Variants in NEB observed in about 807,000 individuals in gnomAD.
NEB encodes nebulin.
A neutral mutation model predicts 952.2 loss-of-function variants in NEB; 512 were observed. The ratio of observed to expected loss-of-function variants is 0.54; its 90% confidence interval spans 0.50 to 0.58. NEB has a LOEUF of 0.58. NEB is among the 20% of genes least tolerant of loss of function. NEB has a pLI of 0.00. For synonymous variants in NEB, 2,900 were observed against 3,149.8 expected (o/e 0.92, Z 2.66); for missense variants, 8,428 against 9,231.1 (o/e 0.91, Z 3.56).
At position 151,694,548 on chromosome 2, in the gene NEB, T is replaced by C. The variant is rs1576598655; in HGVS notation, c.1756A>G (p.Lys586Glu). The C allele has an allele frequency of 3.7e-6, 6 of 1,613,086 alleles. No homozygotes were observed. Among genetic ancestry groups the C allele is most frequent in the Non-Finnish European group, 4.2e-6 (5 of 1,179,344 alleles). Residue 586 changes from lysine to glutamate, a missense_variant, in exon 19 of 182, where the codon AAA (lysine) becomes GAA (glutamate). By Grantham distance (56) the Lys-to-Glu change is moderately conservative. Transcript: ENST00000397345. The stretch of plus-strand genomic sequence containing the variant: ...TCGCTGGTGTTCTTGGTGTTGGCTT[T>C]GGCTGCCAGCAGGGGAATGGCATCC... ...KVDAIPLLAAKANTKNTSDVM... is the reference protein window; with the variant it reads ...KVDAIPLLAAEANTKNTSDVM...
intron 10 of NEB, among the ~76,000 whole-genome samples, chr2:151,711,737 C>T (rs764138082): frequency 2.6e-4 from 39 of 152,150 alleles, no homozygotes; most frequent in Middle Eastern, 3.4e-3. Context: ...TAAGATCATT[C>T]GCTAAAGAGT....
intron 44 of NEB, 93 bp from the exon 45 acceptor site, chr2:151,663,952 GT>G: frequency 7.9e-7 from 1 of 1,273,766 alleles, no homozygotes; most frequent in Non-Finnish European, 1.1e-6. Flanking sequence ...TAGATGAAGG[GT>G]TTTAGAGCTA....
chr2:151,561,516 T>C (rs2096048579), intron 121 of NEB, among the ~76,000 whole-genome samples: 1 of 151,876 alleles, frequency 6.6e-6, no homozygotes, highest in Non-Finnish European at 1.5e-5. Context: ...GTTGAGATTT[T>C]GGCCATTTTG....
intron 13 of NEB, among the ~76,000 whole-genome samples, chr2:151,698,669 C>A (rs71350303): frequency 1.8e-4 from 25 of 140,620 alleles, no homozygotes; most frequent in Non-Finnish European, 2.3e-4. Flanking sequence ...ATGGAGTCTC[C>A]CTCTGTTGCC....
chr2:151,612,837 G>C (rs998062505), intron 77 of NEB, among the ~76,000 whole-genome samples: 2 of 152,080 alleles, frequency 1.3e-5, no homozygotes, highest in African/African-American at 4.8e-5. Context: ...GCATTAATGT[G>C]TTTTTTTGGG....
intron 129 of NEB, among the ~76,000 whole-genome samples, chr2:151,550,640 TTTTTA>T (rs1334343248): frequency 6.6e-6 from 1 of 152,114 alleles, no homozygotes; most frequent in Admixed American, 6.6e-5. Context: ...AACCAAATTA[TTTTTA>T]TTTTATTTTT....
intron 34 of NEB, 76 bp from the exon 35 acceptor site, chr2:151,675,467 A>G: frequency 1.1e-6 from 1 of 946,392 alleles, no homozygotes; most frequent in Non-Finnish European, 1.6e-6. Context: ...TATTTTTAGC[A>G]CAATCACCCA....
At chr2:151,575,890 A>G in intron 106 of NEB, 91 bp from the exon 107 acceptor site, 2 of 964,776 alleles carry the variant, frequency 2.1e-6, no homozygotes, top group East Asian at 2.4e-5. Flanking sequence ...TTTGGATTTG[A>G]TCCAAAACCC....
Position 151,618,411 on chromosome 2 carries a change from A to G in NEB, c.10940T>C (p.Val3647Ala), listed in dbSNP as rs1316575607. Residue 3647 changes from valine (V) to alanine (A), a missense_variant, in exon 74 of 182, where the codon GTT becomes GCT. By Grantham distance (64) the Val-to-Ala change is moderately conservative (BLOSUM62 0). This residue lies in a region of NEB where 1,772 missense variants were observed against 1,960.3 expected (regional missense o/e 0.90). Transcript: ENST00000397345. ...TTCTCCAGCTCTCTTGGCCCTAACAACTTCCAAGGAATCAATCGGAACCCA... is the reference window on the plus strand; with the variant it reads ...TTCTCCAGCTCTCTTGGCCCTAACAGCTTCCAAGGAATCAATCGGAACCCA... ...IGWVPIDSLE[V>A]VRAKRAGELL... The G allele has an allele frequency of 8.1e-6, 13 of 1,613,800 alleles. No homozygotes were observed. The Admixed American group carries it at 8.3e-5, about 10-fold the overall frequency.
At position 151,692,337 on chromosome 2, in the gene NEB, T is replaced by G; in HGVS notation, c.1922A>C (p.Lys641Thr). 6.2e-7 allele frequency: 1 copy of G among 1,611,428 alleles called. No individual in the cohort carries two copies. Residue 641 changes from lysine (K) to threonine (T), a missense_variant, in exon 21 of 182, where the codon AAG becomes ACG. By Grantham distance (78) the Lys-to-Thr change is moderately conservative (BLOSUM62 -1). This residue lies in a region of NEB where 2,851 missense variants were observed against 2,791.5 expected (regional missense o/e 1.02). Coordinates refer to ENST00000397345, the MANE Select transcript of NEB (RefSeq NM_001164508.2). ...SDRLYKENYE[K>T]TKAKSMNYCE... ...GTAATTCATACTCTTTGCCTTTGTC[T>G]TCTCATAGTTTTCCTTGTATAATCT...
At chr2:151,540,933 G>GT (rs1161611856) in intron 136 of NEB, 132 bp from the exon 137 acceptor site, 29 of 743,136 alleles carry the variant, frequency 3.9e-5, no homozygotes, top group African/African-American at 7.1e-5. Flanking sequence ...TTGTTTGCTT[G>GT]TTTTTTTGTT....
At chr2:151,676,929 G>C (rs1187011073) in intron 34 of NEB, among the ~76,000 whole-genome samples, 1 of 152,126 alleles carries the variant, frequency 6.6e-6, no homozygotes, top group Admixed American at 6.6e-5. Context: ...TGTTCAAAAA[G>C]CATTCATTAA....
chr2:151,704,913 A>G (rs1185477239), intron 13 of NEB, among the ~76,000 whole-genome samples: 3 of 152,080 alleles, frequency 2.0e-5, no homozygotes, highest in African/African-American at 7.2e-5. Context: ...TAAGAAACCA[A>G]TATGCCACCT....
Position 151,643,345 on chromosome 2 carries a change from G to A in NEB, c.7965C>T (p.Tyr2655=). ...CTTTTAGCCACTGAAGGTCTGACTT[G>A]TACAAATTCTGAAAGTGCAAGTGAC... ...QAYDLQSDNL[Y]KSDLQWLKGI... The change falls in exon 58 of 182, where the codon TAC becomes TAT. Residue 2655 remains tyrosine, a synonymous_variant. Coordinates refer to ENST00000397345, the MANE Select transcript of NEB (RefSeq NM_001164508.2). 1.9e-6 allele frequency: 3 copies of A among 1,600,928 alleles called. No homozygotes were observed. Among genetic ancestry groups the A allele is most frequent in the Non-Finnish European group, 2.6e-6 (3 of 1,171,814 alleles).
intron 11 of NEB, among the ~76,000 whole-genome samples, 192 bp from the exon 12 acceptor site, chr2:151,709,955 T>TA (rs1212347176): frequency 6.6e-6 from 1 of 152,150 alleles, no homozygotes; most frequent in African/African-American, 2.4e-5. Context: ...TTAGAACAAT[T>TA]AAAATAGGCT....
chr2:151,679,762 G>T lies in NEB; in HGVS notation c.3214C>A (p.Pro1072Thr). ...KGYDLRTDAIPIRAAKAARQA... is the reference protein window; with the variant it reads ...KGYDLRTDAITIRAAKAARQA... ...CTGGCAGCTTTGGCAGCTCTGATGG[G>T]AATCGCATCAGTTCTCAGGTCATAT... Residue 1072 changes from proline to threonine, a missense_variant, in exon 32 of 182, where the codon CCC becomes ACC. Transcript: ENST00000397345. 1 of 1,613,790 alleles carries T rather than the reference G, an allele frequency of 6.2e-7. No homozygotes were observed. The highest frequency in any genetic ancestry group is 8.5e-7 in the Non-Finnish European group (1 of 1,179,814).
At chr2:151,642,304 A>T (rs2098878008) in intron 60 of NEB, among the ~76,000 whole-genome samples, 1 of 152,214 alleles carries the variant, frequency 6.6e-6, no homozygotes, top group Non-Finnish European at 1.5e-5. Context: ...AAGCCAAAAA[A>T]ATTATCTGAA....
rs769924347 is a variant in NEB, at chr2:151,547,521, A to G, written c.20275T>C (p.Ser6759Pro). ...TGGCCCTGCATCTTGAAGAAGTCTG[A>G]TTTGTAGATCAACTAAAGAAAAAAA... ...QEAVSELIYK[S>P]DFFKMQGHMI... is the part of the protein sequence containing the mutation. Residue 6759 changes from serine to proline, a missense_variant, in exon 133 of 182, where the codon TCA becomes CCA. Ser to Pro is a moderately conservative substitution (Grantham distance 74). Around this residue, in one of 11 missense-constraint regions of NEB, gnomAD observed 3,374 missense variants for 3,651.5 expected, o/e 0.92. Transcript: ENST00000397345. The G allele has an allele frequency of 6.2e-7, 1 of 1,604,756 alleles. No individual in the cohort carries two copies. Among genetic ancestry groups the G allele is most frequent in the Non-Finnish European group, 8.5e-7 (1 of 1,175,300 alleles).
chr2:151,649,900 C>G (rs1330351282), intron 54 of NEB, among the ~76,000 whole-genome samples: 4 of 152,246 alleles, frequency 2.6e-5, no homozygotes, highest in Admixed American at 2.0e-4. Context: ...TTCATGCAGT[C>G]AAGTTTCAAA....
Sources: allele counts gnomAD v4.1 joint callset (sites outside exome capture counted in the v4.1 genomes callset), GRCh38; gene constraint gnomAD v4.1.1; regional missense constraint gnomAD v4.1.1; transcripts MANE v1.5; gene names NCBI Gene and HGNC (gene_info 2026-07-23, HGNC 2026-07-21).